USP12: variants seen among roughly 807,000 people sequenced by gnomAD.
The protein encoded by USP12 is ubiquitin carboxyl-terminal hydrolase 12.
Under a neutral mutation model 45.5 loss-of-function variants are expected in USP12, and 19 were observed. The observed-to-expected ratio is 0.42, with a 90% CI of 0.29 to 0.61. The LOEUF (loss-of-function observed/expected upper bound fraction) is 0.61, where lower values mean the gene tolerates loss of function less well. USP12 is among the 20% of genes least tolerant of loss of function. The probability of loss-of-function intolerance (pLI) is 0.22; values close to 1 mark genes in which losing one functional copy is unlikely to be tolerated. For missense variants in USP12, 242 were observed against 447.7 expected, an observed-to-expected ratio of 0.54 and a Z score of 4.15; for synonymous variants, 149 against 148.8, an observed-to-expected ratio of 1.00 and a Z score of -0.01.
intron 2 of USP12, among the ~76,000 whole-genome samples, chr13:27,109,375 T>C (rs1302475486): frequency 6.6e-6 from 1 of 152,182 alleles, no homozygotes; most frequent in African/African-American, 2.4e-5. Context: ...ATCACTAAAC[T>C]TTAATCAAGT....
intron 2 of USP12, among the ~76,000 whole-genome samples, chr13:27,113,967 G>T (rs1875590635): frequency 6.6e-6 from 1 of 152,192 alleles, no homozygotes; most frequent in South Asian, 2.1e-4. Flanking sequence ...ATGACTAGTA[G>T]CAATTCAGGT....
Position 27,105,964 on chromosome 13 carries a change from GTTTTGTTAAATTTAGGGCAACACAT to G in USP12, c.130-45_130-21del. The stretch of plus-strand genomic sequence containing the variant: ...CCCAAACTGCAACAGAAAAAAAAAA[GTTTTGTTAAATTTAGGGCAACACAT>G]TTTCAAGAGAGAAATTCCCGGTATA... On this transcript the variant is annotated intron_variant, in intron 2 of 8. Coordinates refer to ENST00000282344, the MANE Select transcript of USP12 (RefSeq NM_182488.4). 6.3e-7 allele frequency: 1 copy of G among 1,577,396 alleles called. No homozygotes were observed. Among genetic ancestry groups the G allele is most frequent in the Non-Finnish European group, 8.6e-7 (1 of 1,162,762 alleles).
chr13:27,071,120 A>C lies in USP12; in HGVS notation c.962T>G (p.Ile321Arg). ...SGPNRGHYIA[I>R]VKSHDFWLLF... ...CAACCAAAAATCATGACTCTTAACTATTGCAATATAATGGCCTCGATTGGG... is the reference window on the plus strand; with the variant it reads ...CAACCAAAAATCATGACTCTTAACTCTTGCAATATAATGGCCTCGATTGGG... Residue 321 changes from isoleucine (I) to arginine (R), a missense_variant, in exon 8 of 9, where the codon ATA becomes AGA. Physicochemically the swap from Ile to Arg is moderately conservative, Grantham distance 97. Around this residue, in one of 5 missense-constraint regions of USP12, gnomAD observed 94 missense variants for 168.3 expected, o/e 0.56. Coordinates refer to ENST00000282344, the MANE Select transcript of USP12 (RefSeq NM_182488.4). The C allele has an allele frequency of 1.2e-6, 2 of 1,608,944 alleles. No homozygotes were observed. Among genetic ancestry groups the C allele is most frequent in the Non-Finnish European group, 8.5e-7 (1 of 1,178,496 alleles).
intron 1 of USP12, among the ~76,000 whole-genome samples, chr13:27,138,004 G>A (rs1393897732): frequency 6.6e-6 from 1 of 152,216 alleles, no homozygotes. Flanking sequence ...ACAGCTGCAA[G>A]AAAACATTCA....
chr13:27,156,770 C>T (rs746458891), intron 1 of USP12, among the ~76,000 whole-genome samples: 2 of 151,810 alleles, frequency 1.3e-5, no homozygotes, highest in African/African-American at 2.4e-5. Flanking sequence ...TGCAGTGAGC[C>T]GAAATCACAC....
chr13:27,092,809 A>G (rs1439854401), intron 4 of USP12, among the ~76,000 whole-genome samples: 1 of 152,222 alleles, frequency 6.6e-6, no homozygotes, highest in East Asian at 1.9e-4. Context: ...TAGTTTATGG[A>G]TGACTTTTTA....
chr13:27,137,381 T>G (rs1054132119), intron 1 of USP12, among the ~76,000 whole-genome samples: 1 of 152,144 alleles, frequency 6.6e-6, no homozygotes, highest in Non-Finnish European at 1.5e-5. Context: ...AATGATCTAT[T>G]AAGTGGGGAT....
rs546674139 is a variant in USP12 at position 27,129,276 on chromosome 13, C to T, written c.49-12680G>A. 1.3e-5 allele frequency among the ~76,000 whole-genome samples: 2 copies of T among 152,294 alleles called. No individual in the cohort carries two copies. Among genetic ancestry groups the T allele is most frequent in the South Asian group, 2.1e-4 (1 of 4,826 alleles). ...TCTGCCAGTCCTGTTTTCTAGACCT[C>T]GATTCCCCTGACCTATAAAATGTGG... is the stretch of plus-strand genomic sequence containing the variant. On this transcript the variant is annotated intron_variant, in intron 1 of 8. Transcript: ENST00000282344. The surrounding 1 kb of genome is among the most constrained non-coding windows in gnomAD (Gnocchi z 4.0).
intron 1 of USP12, among the ~76,000 whole-genome samples, chr13:27,139,478 T>C (rs1048649737): frequency 3.3e-5 from 5 of 152,130 alleles, no homozygotes; most frequent in African/African-American, 1.2e-4. Context: ...CAGCTGGGCA[T>C]GGGGCTGTGC....
At chr13:27,075,450 T>A in intron 6 of USP12, 62 bp from the exon 7 acceptor site, 1 of 1,443,402 alleles carries the variant, frequency 6.9e-7, no homozygotes, top group Non-Finnish European at 9.5e-7. Context: ...CCTTGAATTA[T>A]CAAACTTTAC....
At chr13:27,153,823 CCT>C (rs1351659380) in intron 1 of USP12, among the ~76,000 whole-genome samples, 1 of 152,182 alleles carries the variant, frequency 6.6e-6, no homozygotes, top group East Asian at 1.9e-4. Context: ...CTTTTCTTAG[CCT>C]CTCTTGCTCT....
At chr13:27,121,663 C>T (rs550530882) in intron 1 of USP12, among the ~76,000 whole-genome samples, 1 of 151,578 alleles carries the variant, frequency 6.6e-6, no homozygotes, top group African/African-American at 2.4e-5. Context: ...AAATCGAGAC[C>T]ATCCTGGCTA....
intron 1 of USP12, among the ~76,000 whole-genome samples, chr13:27,117,982 T>C (rs1875820591): frequency 6.7e-6 from 1 of 149,254 alleles, no homozygotes; most frequent in Non-Finnish European, 1.5e-5. Context: ...TCTGAATATG[T>C]TTACCTTGAA....
At chr13:27,084,838 T>C (rs1162111740) in intron 6 of USP12, among the ~76,000 whole-genome samples, 2 of 152,214 alleles carry the variant, frequency 1.3e-5, no homozygotes, top group Non-Finnish European at 2.9e-5. Flanking sequence ...CCAGCTTTGT[T>C]CTTTTCTCTC....
rs577819768 is a variant in USP12, at chr13:27,129,581, C to T, written c.49-12985G>A. Among the ~76,000 whole-genome samples, 79 of 152,260 alleles carry T rather than the reference C, an allele frequency of 5.2e-4. No individual in the cohort carries two copies. Among genetic ancestry groups the T allele is most frequent in the African/African-American group, 1.9e-3 (78 of 41,528 alleles). On this transcript the variant is annotated intron_variant, in intron 1 of 8. Transcript: ENST00000282344. This position sits in a 1 kb window ranked among gnomAD's most constrained non-coding sequence, Gnocchi z 4.0. Reference sequence around the variant, plus strand: ...TCTACAGAGGATGTTGTGGAGCACGCCTGTAGTCCCAGCTGTTCGGGAGGC... The same window carrying T: ...TCTACAGAGGATGTTGTGGAGCACGTCTGTAGTCCCAGCTGTTCGGGAGGC...
intron 2 of USP12, among the ~76,000 whole-genome samples, chr13:27,108,422 T>C (rs1239715776): frequency 1.3e-5 from 2 of 151,474 alleles, no homozygotes; most frequent in African/African-American, 4.9e-5. Context: ...TTAGGAGATA[T>C]ACCTAATGCT....
intron 3 of USP12, among the ~76,000 whole-genome samples, chr13:27,099,452 T>C (rs1453412975): frequency 2.6e-5 from 4 of 152,156 alleles, no homozygotes; most frequent in Admixed American, 2.6e-4. Flanking sequence ...ATATTCTTCA[T>C]AAACAATTAC....
intron 1 of USP12, chr13:27,170,143 T>TA (rs1404254546): frequency 2.5e-6 from 1 of 395,446 alleles, no homozygotes; most frequent in African/African-American, 2.1e-5. Flanking sequence ...TTTCCTAAAA[T>TA]GTAAACTGTG....
intron 1 of USP12, among the ~76,000 whole-genome samples, chr13:27,124,168 A>T (rs376166989): frequency 1.3e-5 from 2 of 152,222 alleles, no homozygotes; most frequent in East Asian, 3.8e-4. Flanking sequence ...CTCTGCCATT[A>T]TGAAAAAGAT....
Sources: allele counts gnomAD v4.1 joint callset (sites outside exome capture counted in the v4.1 genomes callset), GRCh38; gene constraint gnomAD v4.1.1; regional missense constraint gnomAD v4.1.1; non-coding constraint Gnocchi (gnomAD v3.1); transcripts MANE v1.5; gene names NCBI Gene and HGNC (gene_info 2026-07-23, HGNC 2026-07-21).